STXBP5L: variants seen among roughly 807,000 people sequenced by gnomAD.
The protein encoded by STXBP5L is syntaxin-binding protein 5-like.
Under a neutral mutation model 144.5 loss-of-function variants are expected in STXBP5L, and 65 were observed. The observed-to-expected ratio is 0.45, with a 90% CI of 0.37 to 0.55. The LOEUF is 0.55. Ranked by LOEUF, STXBP5L falls within the 20% of genes least tolerant of loss-of-function variation. STXBP5L has a pLI of 0.00. For synonymous variants in STXBP5L, 505 were observed against 469.6 expected, an observed-to-expected ratio of 1.08 and a Z score of -0.97; for missense variants, 1,298 against 1,405.5, an observed-to-expected ratio of 0.92 and a Z score of 1.22.
At chr3:120,944,318 G>A (rs887913045) in intron 2 of STXBP5L, among the ~76,000 whole-genome samples, 1 of 151,546 alleles carries the variant, frequency 6.6e-6, no homozygotes, top group African/African-American at 2.4e-5. Flanking sequence ...ATGGGAGAGG[G>A]AAGGAGACAT....
intron 22 of STXBP5L, among the ~76,000 whole-genome samples, chr3:121,401,761 GGA>G (rs1210489749): frequency 8.5e-6 from 1 of 117,890 alleles, no homozygotes; most frequent in African/African-American, 3.3e-5. Context: ...GGGGGAGGGG[GGA>G]GGGATAGCAT....
At chr3:120,962,700 T>G (rs1939005800) in intron 3 of STXBP5L, among the ~76,000 whole-genome samples, 1 of 152,212 alleles carries the variant, frequency 6.6e-6, no homozygotes. Flanking sequence ...TAGTTTGAAG[T>G]CAGGTAGCAT....
At chr3:121,344,437 T>G (rs2044867080) in intron 20 of STXBP5L, among the ~76,000 whole-genome samples, 1 of 151,976 alleles carries the variant, frequency 6.6e-6, no homozygotes, top group Non-Finnish European at 1.5e-5. Flanking sequence ...AGTGCAACAT[T>G]GGTCCCCCTA....
chr3:121,382,246 T>C (rs1464945766), intron 22 of STXBP5L, among the ~76,000 whole-genome samples: 1 of 152,046 alleles, frequency 6.6e-6, no homozygotes, highest in Non-Finnish European at 1.5e-5. Context: ...CTCTGCAGGA[T>C]AAGGGTTTTA....
chr3:121,201,626 G>A (rs1476102082), intron 9 of STXBP5L, among the ~76,000 whole-genome samples: 5 of 149,238 alleles, frequency 3.4e-5, no homozygotes, highest in East Asian at 1.9e-4. Context: ...TTATATTTTT[G>A]TATGTTTTTG....
intron 2 of STXBP5L, among the ~76,000 whole-genome samples, chr3:120,928,641 T>A (rs1318475069): frequency 4.8e-5 from 2 of 41,974 alleles, no homozygotes; most frequent in African/African-American, 7.6e-5. Context: ...GTATACAGAG[T>A]GTGTGTGTGT....
rs539665842 is a variant in STXBP5L at position 121,046,107 on chromosome 3, A to G, written c.470+572A>G. Among the ~76,000 whole-genome samples the G allele has an allele frequency of 3.3e-5, 5 of 152,266 alleles. No homozygotes were observed. The East Asian group carries it at 9.7e-4, about 29-fold the overall frequency. ...GAATTGTACCAGAAGACTTTTCTGC[A>G]TCTATTGAGATAGTCATGTGGTTTT... On this transcript the variant is annotated intron_variant, in intron 5 of 26. Transcript: ENST00000471454.
At chr3:121,279,720 TTTCAATAATCC>T in intron 18 of STXBP5L, 74 bp from the exon 19 acceptor site, 2 of 1,533,362 alleles carry the variant, frequency 1.3e-6, no homozygotes, top group Non-Finnish European at 1.8e-6. Context: ...AGACATTACT[TTTCAATAATCC>T]TATGATTGAT....
chr3:121,282,457 G>C (rs896991848), intron 19 of STXBP5L: 12 of 841,578 alleles, frequency 1.4e-5, no homozygotes, highest in Non-Finnish European at 2.2e-5. Context: ...GCAAATTTTT[G>C]TTTTGTTATG....
rs1044172022 is a variant in STXBP5L, at chr3:121,415,833, C to T, written c.3115-24C>T. 6 of 1,535,476 alleles carry T rather than the reference C, an allele frequency of 3.9e-6. No individual in the cohort carries two copies. The African/African-American group carries it at 4.1e-5, about 11-fold the overall frequency. On this transcript the variant is annotated intron_variant, in intron 24 of 26. Coordinates refer to ENST00000471454, the MANE Select transcript of STXBP5L (RefSeq NM_001308330.2). ...AATTGATTTTTTAGTTGTTCTAATG[C>T]TTTTTTCTGTGAATTTGATGCAGGA...
chr3:120,959,688 A>G (rs1938517213), intron 3 of STXBP5L, among the ~76,000 whole-genome samples: 1 of 152,252 alleles, frequency 6.6e-6, no homozygotes, highest in African/African-American at 2.4e-5. Flanking sequence ...CTGGTGGGAA[A>G]ACTGGCTAGC....
At chr3:121,053,802 A>G (rs988854017) in intron 5 of STXBP5L, among the ~76,000 whole-genome samples, 8 of 152,164 alleles carry the variant, frequency 5.3e-5, no homozygotes, top group African/African-American at 2.4e-5. Flanking sequence ...TGAACAGGCA[A>G]CCTACAAAAT....
chr3:121,171,720 G>C (rs1297789106), intron 9 of STXBP5L, among the ~76,000 whole-genome samples: 2 of 151,960 alleles, frequency 1.3e-5, no homozygotes, highest in Non-Finnish European at 2.9e-5. Context: ...AAATGGAAAA[G>C]CATTCCATGC....
intron 3 of STXBP5L, among the ~76,000 whole-genome samples, chr3:121,025,819 T>C (rs188665158): frequency 6.7e-6 from 1 of 149,840 alleles, no homozygotes; most frequent in East Asian, 1.9e-4. Context: ...TGAATCCCTC[T>C]AGAGCATTAC....
At chr3:121,037,559 A>G (rs1255574792) in intron 3 of STXBP5L, among the ~76,000 whole-genome samples, 1 of 152,070 alleles carries the variant, frequency 6.6e-6, no homozygotes, top group Non-Finnish European at 1.5e-5. Context: ...TAAATTTGCC[A>G]ACATTTTTTA....
At chr3:121,189,787 C>T (rs1188701341) in intron 9 of STXBP5L, among the ~76,000 whole-genome samples, 1 of 151,898 alleles carries the variant, frequency 6.6e-6, no homozygotes, top group Non-Finnish European at 1.5e-5. Flanking sequence ...TTAAATTATA[C>T]ATTTGACTCA....
intron 3 of STXBP5L, among the ~76,000 whole-genome samples, chr3:120,989,647 C>T (rs963425725): frequency 6.6e-6 from 1 of 152,070 alleles, no homozygotes; most frequent in African/African-American, 2.4e-5. Context: ...TATGTTTCTG[C>T]ATTTCTCTTT....
chr3:121,051,832 G>C (rs900910791), intron 5 of STXBP5L, among the ~76,000 whole-genome samples: 2 of 152,118 alleles, frequency 1.3e-5, no homozygotes, highest in Non-Finnish European at 2.9e-5. Context: ...AAAATTGATA[G>C]ACCGCTAGCA....
chr3:121,103,845 T>G (rs1576966862), intron 5 of STXBP5L, among the ~76,000 whole-genome samples: 1 of 152,164 alleles, frequency 6.6e-6, no homozygotes, highest in South Asian at 2.1e-4. Flanking sequence ...TAAGTAACAG[T>G]CTTCAAAACA....
Sources: allele counts gnomAD v4.1 joint callset (sites outside exome capture counted in the v4.1 genomes callset), GRCh38; gene constraint gnomAD v4.1.1; transcripts MANE v1.5; gene names NCBI Gene and HGNC (gene_info 2026-07-23, HGNC 2026-07-21).